TOX3: variants seen among roughly 807,000 people sequenced by gnomAD.
TOX3 encodes CAG trinucleotide repeat-containing gene F9 protein.
In TOX3, 22 loss-of-function variants were observed where a neutral mutation model predicts 64.3. The observed-to-expected ratio is 0.34, with a 90% CI of 0.24 to 0.49. The LOEUF is 0.49. TOX3 is among the 20% of genes least tolerant of loss of function. TOX3 has a pLI of 0.99. For missense variants in TOX3, 661 were observed against 714.4 expected, an observed-to-expected ratio of 0.93 and a Z score of 0.85; for synonymous variants, 291 against 273.6, an observed-to-expected ratio of 1.06 and a Z score of -0.63.
rs374524158 is a variant in TOX3, at chr16:52,483,638, G to A, written c.88-15064C>T. Among the ~76,000 whole-genome samples the A allele has an allele frequency of 7.9e-4, 106 of 134,886 alleles. No individual in the cohort carries two copies. In the South Asian group the frequency reaches 0.026, roughly 33 times the overall value. 88.5% of individuals were successfully genotyped at this position (134,886 alleles called of 152,430 possible). A position where few individuals can be genotyped will look rare whatever the true frequency, so the allele number is the denominator to read the frequency against. ...GGCTGGAGTGCAGTGGCGCGATCAC[G>A]GCTCACTTCAACCTCTGCCTCCTGG... On this transcript the variant is annotated intron_variant, in intron 1 of 6. Transcript: ENST00000219746.
intron 1 of TOX3, among the ~76,000 whole-genome samples, chr16:52,490,920 C>T (rs142356004): frequency 6.6e-6 from 1 of 152,256 alleles, no homozygotes; most frequent in African/African-American, 2.4e-5. Flanking sequence ...TAAGCTACCA[C>T]ACCTGGCCTA....
intron 1 of TOX3, among the ~76,000 whole-genome samples, chr16:52,546,232 C>T (rs947914160): frequency 6.6e-6 from 1 of 152,096 alleles, no homozygotes; most frequent in African/African-American, 2.4e-5. Flanking sequence ...TGGGGGAGGG[C>T]AAGATCATCG....
chr16:52,498,625 A>G (rs1478569739), intron 1 of TOX3, among the ~76,000 whole-genome samples: 1 of 152,132 alleles, frequency 6.6e-6, no homozygotes, highest in African/African-American at 2.4e-5. Context: ...AACGTAGTCA[A>G]AATGTGCCCT....
chr16:52,535,284 G>A (rs78117689), intron 1 of TOX3, among the ~76,000 whole-genome samples: 37 of 152,270 alleles, frequency 2.4e-4, no homozygotes, highest in Admixed American at 6.5e-4. Context: ...CTGGGCACAT[G>A]GCCAGCCACA....
chr16:52,437,654 G>C lies in TOX3; in HGVS notation c.*1571C>G, dbSNP rs955409453. Among the ~76,000 whole-genome samples, 2 of 152,062 alleles carry C rather than the reference G, an allele frequency of 1.3e-5. No individual in the cohort carries two copies. The highest frequency in any genetic ancestry group is 2.4e-5 in the African/African-American group (1 of 41,420). ...GAAAAGGGGGGAATAAATGGGCACCGAAATAATTATTTTGGCTTAAGAATT... is the reference window on the plus strand; with the variant it reads ...GAAAAGGGGGGAATAAATGGGCACCCAAATAATTATTTTGGCTTAAGAATT... On this transcript the variant is annotated 3_prime_UTR_variant, in exon 7 of 7. Coordinates refer to ENST00000219746, the MANE Select transcript of TOX3 (RefSeq NM_001080430.4).
chr16:52,543,765 A>G (rs1180430213), intron 1 of TOX3, among the ~76,000 whole-genome samples: 2 of 152,166 alleles, frequency 1.3e-5, no homozygotes. Context: ...ACTTGCAACG[A>G]CTTTTGAACC....
At chr16:52,460,859 T>C (rs1365507401) in intron 3 of TOX3, among the ~76,000 whole-genome samples, 2 of 152,190 alleles carry the variant, frequency 1.3e-5, no homozygotes, top group Non-Finnish European at 2.9e-5. Flanking sequence ...TTGTTCAACA[T>C]GATTTCATTT....
intron 1 of TOX3, among the ~76,000 whole-genome samples, chr16:52,511,914 A>G (rs1258261101): frequency 6.6e-6 from 1 of 152,234 alleles, no homozygotes; most frequent in Non-Finnish European, 1.5e-5. Context: ...GGAAATGCCT[A>G]AATGGACACA....
intron 1 of TOX3, among the ~76,000 whole-genome samples, chr16:52,526,955 C>T (rs1962739413): frequency 6.6e-6 from 1 of 152,186 alleles, no homozygotes; most frequent in Non-Finnish European, 1.5e-5. Flanking sequence ...GATTCTCCTA[C>T]ACACCAGGCA....
At position 52,519,315 on chromosome 16, in the gene TOX3, T is replaced by C. The variant is rs1235026451; in HGVS notation, c.87+27322A>G. ...TATTCTTAAACTAGAAATGTAAGGG[T>C]TAGTGCATTCATCAGACAAACTGAT... On this transcript the variant is annotated intron_variant, in intron 1 of 6. Coordinates refer to ENST00000219746, the MANE Select transcript of TOX3 (RefSeq NM_001080430.4). The C allele has an allele frequency of 1.5e-5, 19 of 1,251,576 alleles. No individual in the cohort carries two copies. In the East Asian group the frequency reaches 4.6e-4, roughly 31 times the overall value. 77.5% of individuals were successfully genotyped at this position (1,251,576 alleles called of 1,614,324 possible). A position where few individuals can be genotyped will look rare whatever the true frequency, so the allele number is the denominator to read the frequency against.
intron 1 of TOX3, among the ~76,000 whole-genome samples, chr16:52,542,218 A>C (rs1251432745): frequency 6.6e-6 from 1 of 152,180 alleles, no homozygotes; most frequent in Admixed American, 6.6e-5. Flanking sequence ...CAGGTGTCAC[A>C]AATTTCTTTA....
At chr16:52,488,017 G>A (rs553319219) in intron 1 of TOX3, among the ~76,000 whole-genome samples, 1 of 152,232 alleles carries the variant, frequency 6.6e-6, no homozygotes, top group East Asian at 1.9e-4. Context: ...GTTATCTTAA[G>A]TAAGCCAAAG....
intron 1 of TOX3, among the ~76,000 whole-genome samples, chr16:52,523,759 C>T (rs914243580): frequency 6.6e-6 from 1 of 152,084 alleles, no homozygotes; most frequent in African/African-American, 2.4e-5. Context: ...AAATTTTCAC[C>T]ATAAAAGAAC....
intron 1 of TOX3, among the ~76,000 whole-genome samples, chr16:52,484,863 C>G (rs1010390975): frequency 1.3e-5 from 2 of 152,016 alleles, no homozygotes; most frequent in Non-Finnish European, 2.9e-5. Context: ...AATAGAGCTA[C>G]CATTCAACCC....
At chr16:52,475,876 C>T (rs539972582) in intron 1 of TOX3, among the ~76,000 whole-genome samples, 46 of 152,234 alleles carry the variant, frequency 3.0e-4, no homozygotes, top group East Asian at 1.9e-3. Context: ...AATCTCTAGG[C>T]GGTGGGACCC....
chr16:52,475,649 A>G (rs1596806998), intron 1 of TOX3: 1 of 152,216 alleles, frequency 6.6e-6, no homozygotes, highest in Non-Finnish European at 1.5e-5. Context: ...TGCTGAGAGA[A>G]GAGAGAACCA....
At position 52,522,916 on chromosome 16, in the gene TOX3, G is replaced by T. The variant is rs748271021; in HGVS notation, c.87+23721C>A. On this transcript the variant is annotated intron_variant, in intron 1 of 6. Coordinates refer to ENST00000219746, the MANE Select transcript of TOX3 (RefSeq NM_001080430.4). ...CTATTCAAGCACTTCATGGATGAAG[G>T]CCTCCTCTATAGCAGGCACAGTCCT... Among the ~76,000 whole-genome samples, 148 of 152,158 alleles carry T rather than the reference G, an allele frequency of 9.7e-4. 1 individual carries two copies. Among genetic ancestry groups the T allele is most frequent in the African/African-American group, 3.5e-3 (143 of 41,426 alleles).
At chr16:52,525,451 A>C (rs1962708763) in intron 1 of TOX3, among the ~76,000 whole-genome samples, 1 of 152,248 alleles carries the variant, frequency 6.6e-6, no homozygotes, top group African/African-American at 2.4e-5. Context: ...TGCATCCTGC[A>C]GTCAGTAACA....
At chr16:52,498,548 G>A (rs1402046715) in intron 1 of TOX3, among the ~76,000 whole-genome samples, 3 of 152,066 alleles carry the variant, frequency 2.0e-5, no homozygotes, top group Non-Finnish European at 4.4e-5. Context: ...CACTTGACCT[G>A]CCTCCCAACA....
Sources: allele counts gnomAD v4.1 joint callset (sites outside exome capture counted in the v4.1 genomes callset), GRCh38; gene constraint gnomAD v4.1.1; transcripts MANE v1.5; gene names NCBI Gene and HGNC (gene_info 2026-07-23, HGNC 2026-07-21).